The following PLXDC2 variants were observed in gnomAD, a reference collection of about 807,000 sequenced individuals.
PLXDC2 encodes the protein plexin domain containing 2, also known as plexin domain-containing protein 2.
In PLXDC2, 40 loss-of-function variants were observed where a neutral mutation model predicts 68.9. That is an observed-to-expected ratio of 0.58 (90% confidence interval 0.45 to 0.76). The LOEUF is 0.76. Ranked by LOEUF, PLXDC2 falls within the 30% of genes least tolerant of loss-of-function variation. The probability of loss-of-function intolerance (pLI) is 0.00; values close to 1 mark genes in which losing one functional copy is unlikely to be tolerated. For synonymous variants in PLXDC2, 243 were observed against 234.2 expected (o/e 1.04, Z -0.34); for missense variants, 644 against 661.9 (o/e 0.97, Z 0.30).
intron 1 of PLXDC2, among the ~76,000 whole-genome samples, chr10:19,910,885 C>G (rs1478057230): frequency 6.6e-6 from 1 of 152,038 alleles, no homozygotes; most frequent in Non-Finnish European, 1.5e-5. Context: ...TGGCAGGTGC[C>G]TGTAATCCCA....
At chr10:19,906,643 G>A (rs1343019801) in intron 1 of PLXDC2, among the ~76,000 whole-genome samples, 4 of 152,080 alleles carry the variant, frequency 2.6e-5, no homozygotes, top group African/African-American at 4.8e-5. Context: ...TCATAGGCCA[G>A]GGGTTTTTAC....
In PLXDC2 at chr10:20,085,967, AC is replaced by A. The variant is rs556114634; in HGVS notation, c.541+17729del. Among the ~76,000 whole-genome samples, 8 of 152,268 alleles carry A rather than the reference AC, an allele frequency of 5.3e-5. No individual in the cohort carries two copies. The South Asian group carries it at 1.7e-3, about 32-fold the overall frequency. On this transcript the variant is annotated intron_variant, in intron 4 of 13. Transcript: ENST00000377252. ...TGGTAAAAGGAAAAACTAAGCCACT[AC>A]TCATCCCTCAATAGAATCTAATTAC... is the stretch of plus-strand genomic sequence containing the variant.
chr10:20,146,488 T>TTTACTTCCTTCCTTCC (rs1834081410), intron 5 of PLXDC2, among the ~76,000 whole-genome samples: 1 of 81,338 alleles, frequency 1.2e-5, no homozygotes, highest in Non-Finnish European at 2.4e-5. Flanking sequence ...TTCTTTTCTT[T>TTTACTTCCTTCCTTCC]TTCCTTCCTT....
chr10:20,195,284 G>A (rs7097401), intron 9 of PLXDC2, among the ~76,000 whole-genome samples: 28,919 of 151,976 alleles, frequency 0.19, 3,404 homozygotes, highest in East Asian at 0.41. Context: ...TCTGGACAGA[G>A]CTCGAAGATC....
intron 12 of PLXDC2, 68 bp downstream of exon 12, chr10:20,219,170 G>T: frequency 6.7e-7 from 1 of 1,498,794 alleles, no homozygotes; most frequent in South Asian, 1.2e-5. Flanking sequence ...ATTTTACTAT[G>T]AGAAAGGCAA....
At chr10:20,063,845 C>T (rs919255347) in intron 3 of PLXDC2, among the ~76,000 whole-genome samples, 6 of 152,232 alleles carry the variant, frequency 3.9e-5, no homozygotes, top group Admixed American at 2.6e-4. Flanking sequence ...GGACTCTGTA[C>T]GCTTTGACCA....
rs370993044 is a variant in PLXDC2, at chr10:20,245,429, T to C, written c.1397T>C (p.Ile466Thr). 9 of 1,613,884 alleles carry C rather than the reference T, an allele frequency of 5.6e-6. No homozygotes were observed. Among genetic ancestry groups the C allele is most frequent in the South Asian group, 1.1e-5 (1 of 91,062 alleles). The change falls in exon 13 of 14, where the codon ATT (isoleucine) becomes ACT (threonine). Residue 466 changes from isoleucine to threonine, a missense_variant. Ile to Thr is a moderately conservative substitution (Grantham distance 89). Around this residue, in one of 3 missense-constraint regions of PLXDC2, gnomAD observed 330 missense variants for 327.9 expected, o/e 1.01. Coordinates refer to ENST00000377252, the MANE Select transcript of PLXDC2 (RefSeq NM_032812.9). The stretch of plus-strand genomic sequence containing the variant: ...ATTGGAATCCTCATCCTGGTCCTCA[T>C]TGTAGCCACAGCCATTCTTGTGACA... ...LIIGILILVL[I>T]VATAILVTVY... is the part of the protein sequence containing the mutation.
chr10:19,867,722 C>T (rs540386165), intron 1 of PLXDC2, among the ~76,000 whole-genome samples: 3 of 152,186 alleles, frequency 2.0e-5, no homozygotes, highest in South Asian at 4.2e-4. Flanking sequence ...AGACCAACAG[C>T]ATCACATCTT....
rs1338914709 is a variant in PLXDC2, at chr10:20,073,293, A to AG, written c.541+5054_541+5055insG. Among the ~76,000 whole-genome samples the AG allele has an allele frequency of 7.2e-5, 11 of 152,338 alleles. No individual in the cohort carries two copies. The East Asian group carries it at 2.1e-3, about 29-fold the overall frequency. ...TTGCCATTTCCCTTATTTCCTTGAA[A>AG]TCTATCTCTCTCCACACAGACACAA... On this transcript the variant is annotated intron_variant, in intron 4 of 13. Transcript: ENST00000377252.
At chr10:19,922,924 G>T (rs1833483803) in intron 1 of PLXDC2, among the ~76,000 whole-genome samples, 1 of 152,102 alleles carries the variant, frequency 6.6e-6, no homozygotes, top group Non-Finnish European at 1.5e-5. Flanking sequence ...CAAAACCTTT[G>T]AGCCTCTCAA....
chr10:20,261,587 G>T (rs947092631), intron 13 of PLXDC2, among the ~76,000 whole-genome samples: 1 of 152,180 alleles, frequency 6.6e-6, no homozygotes, highest in Non-Finnish European at 1.5e-5. Context: ...GGGGGTAGTG[G>T]CTCATGCTTG....
chr10:19,861,191 C>T (rs1175659211), intron 1 of PLXDC2, among the ~76,000 whole-genome samples: 3 of 151,980 alleles, frequency 2.0e-5, no homozygotes, highest in South Asian at 2.1e-4. Context: ...CCCACCACCA[C>T]GCCTGGCTAA....
chr10:20,166,975 T>C (rs371878013), intron 7 of PLXDC2, among the ~76,000 whole-genome samples: 1 of 152,268 alleles, frequency 6.6e-6, no homozygotes, highest in African/African-American at 2.4e-5. Context: ...TCAGCAGTTA[T>C]CTAAAAGAAC....
At chr10:19,833,731 T>C (rs1199975781) in intron 1 of PLXDC2, among the ~76,000 whole-genome samples, 1 of 152,186 alleles carries the variant, frequency 6.6e-6, no homozygotes, top group Non-Finnish European at 1.5e-5. Context: ...AAGTTAACTT[T>C]TTTTGGATAA....
chr10:19,838,960 T>C (rs536687734), intron 1 of PLXDC2, among the ~76,000 whole-genome samples: 10 of 152,154 alleles, frequency 6.6e-5, no homozygotes, highest in African/African-American at 1.9e-4. Context: ...CCGAGGCCAG[T>C]GGATCACCTA....
At chr10:19,828,311 A>C (rs1228668900) in intron 1 of PLXDC2, among the ~76,000 whole-genome samples, 5 of 152,230 alleles carry the variant, frequency 3.3e-5, no homozygotes, top group African/African-American at 1.2e-4. Flanking sequence ...ATTTACTTTG[A>C]ATGAGAGTAC....
intron 1 of PLXDC2, among the ~76,000 whole-genome samples, chr10:19,913,389 G>A (rs1289310907): frequency 6.6e-6 from 1 of 152,050 alleles, no homozygotes; most frequent in Admixed American, 6.6e-5. Context: ...TGTACAGCCT[G>A]TGGAACCATG....
chr10:20,201,843 T>A (rs1834924310), intron 9 of PLXDC2, among the ~76,000 whole-genome samples: 1 of 152,082 alleles, frequency 6.6e-6, no homozygotes, highest in African/African-American at 2.4e-5. Context: ...AGCTATTACA[T>A]GTTGTGATTC....
At chr10:19,824,852 G>A (rs1836541103) in intron 1 of PLXDC2, among the ~76,000 whole-genome samples, 1 of 152,188 alleles carries the variant, frequency 6.6e-6, no homozygotes, top group South Asian at 2.1e-4. Context: ...GTGGTAAGCT[G>A]TGGAATGATG....
Sources: gnomAD v4.1 joint callset for allele counts (sites outside exome capture counted in the v4.1 genomes callset) on GRCh38, gnomAD v4.1.1 for gene constraint, gnomAD v4.1.1 regional missense constraint, MANE v1.5 for transcripts, NCBI Gene and HGNC (gene_info 2026-07-23, HGNC 2026-07-21) for gene names.